CHCHD3: variants seen among roughly 807,000 people sequenced by gnomAD.
CHCHD3 encodes the protein coiled-coil-helix-coiled-coil-helix domain containing 3.
Under a neutral mutation model 38.2 loss-of-function variants are expected in CHCHD3, and 20 were observed. The ratio of observed to expected loss-of-function variants is 0.52; its 90% CI spans 0.37 to 0.76. The LOEUF (loss-of-function observed/expected upper bound fraction) is 0.76, where lower values mean the gene tolerates loss of function less well. Among genes scored for constraint, CHCHD3 ranks in the 30% least tolerant of loss-of-function variants. The pLI is 0.00. For missense variants in CHCHD3, 245 were observed against 279.2 expected (o/e 0.88, Z 0.87); for synonymous variants, 82 against 100.0 (o/e 0.82, Z 1.07).
intron 3 of CHCHD3, among the ~76,000 whole-genome samples, chr7:132,975,558 G>A (rs1380848050): frequency 6.6e-6 from 1 of 152,126 alleles, no homozygotes; most frequent in African/African-American, 2.4e-5. Flanking sequence ...TTCTTCTTAT[G>A]TAAAATTAAA....
chr7:132,847,211 A>T (rs1808097637), intron 5 of CHCHD3: 1 of 152,170 alleles, frequency 6.6e-6, no homozygotes. Flanking sequence ...ATATCATGCA[A>T]AGGAGGCTGG....
At chr7:132,872,612 T>C (rs1808793428) in intron 5 of CHCHD3, among the ~76,000 whole-genome samples, 1 of 152,264 alleles carries the variant, frequency 6.6e-6, no homozygotes, top group African/African-American at 2.4e-5. Context: ...TAATTAACTG[T>C]ATCTAATCAT....
chr7:132,954,512 G>GACA (rs896929646), intron 4 of CHCHD3, among the ~76,000 whole-genome samples: 37 of 152,242 alleles, frequency 2.4e-4, no homozygotes, highest in African/African-American at 8.2e-4. Flanking sequence ...ACCATCCAGA[G>GACA]ACAAATTTTG....
At chr7:133,004,054 G>C (rs990291117) in intron 3 of CHCHD3, among the ~76,000 whole-genome samples, 1 of 151,944 alleles carries the variant, frequency 6.6e-6, no homozygotes, top group African/African-American at 2.4e-5. Flanking sequence ...GCCGTGGAGC[G>C]ATTCTCCTGC....
chr7:132,785,082 C>T lies in CHCHD3; in HGVS notation c.*555G>A, dbSNP rs1806279405. On this transcript the variant is annotated 3_prime_UTR_variant, in exon 8 of 8. Transcript: ENST00000262570. The stretch of plus-strand genomic sequence containing the variant: ...ACCATAATAAGTTATAATGAAATAG[C>T]TCTTACATAATCAAAGGAGAAAAGA... 6.5e-6 allele frequency: 1 copy of T among 152,944 alleles called. No homozygotes were observed. Among genetic ancestry groups the T allele is most frequent in the African/African-American group, 2.4e-5 (1 of 41,444 alleles). The allele number at this position is 152,944 out of a possible 1,614,324, so 9.5% of individuals were successfully genotyped here.
At chr7:132,906,875 A>G (rs1341248015) in intron 4 of CHCHD3, among the ~76,000 whole-genome samples, 1 of 152,152 alleles carries the variant, frequency 6.6e-6, no homozygotes, top group Non-Finnish European at 1.5e-5. Context: ...CACTTTGGAG[A>G]ACTTTGCAAT....
intron 2 of CHCHD3, among the ~76,000 whole-genome samples, chr7:133,032,204 G>T (rs13438143): frequency 0.057 from 8,745 of 152,182 alleles, 777 homozygotes; most frequent in African/African-American, 0.19. Flanking sequence ...ATTTAAACCA[G>T]GCACACAGAG....
chr7:132,897,055 G>C (rs1190037675), intron 4 of CHCHD3, among the ~76,000 whole-genome samples: 1 of 152,238 alleles, frequency 6.6e-6, no homozygotes, highest in African/African-American at 2.4e-5. Context: ...CACAGCTGTT[G>C]TGAGTACAGA....
At chr7:133,012,064 C>T (rs1169363060) in intron 3 of CHCHD3, among the ~76,000 whole-genome samples, 3 of 152,108 alleles carry the variant, frequency 2.0e-5, no homozygotes, top group African/African-American at 7.2e-5. Context: ...TTCTGTTACC[C>T]GCAATTTTCT....
At chr7:132,897,427 T>C (rs1041314121) in intron 4 of CHCHD3, among the ~76,000 whole-genome samples, 1 of 152,218 alleles carries the variant, frequency 6.6e-6, no homozygotes, top group African/African-American at 2.4e-5. Context: ...CCACTCAACC[T>C]CTTTTCTTGC....
At position 132,951,184 on chromosome 7, in the gene CHCHD3, G is replaced by A. The variant is rs146253233; in HGVS notation, c.369+23985C>T. 4.6e-3 allele frequency among the ~76,000 whole-genome samples: 705 copies of A among 152,250 alleles called. 2 individuals are homozygous for A. Among genetic ancestry groups the A allele is most frequent in the Admixed American group, 8.0e-3 (122 of 15,286 alleles). On this transcript the variant is annotated intron_variant, in intron 4 of 7. Transcript: ENST00000262570. ...AGTAGTGAAATATTGTTTTAAGAAC[G>A]TGATCAGAATTAAACTGTTGAAAAG...
intron 6 of CHCHD3, among the ~76,000 whole-genome samples, chr7:132,817,883 C>A (rs1242440891): frequency 2.8e-5 from 4 of 140,550 alleles, no homozygotes; most frequent in African/African-American, 7.8e-5. Flanking sequence ...CAGAGTGAGA[C>A]CCTGTCTCAA....
intron 6 of CHCHD3, among the ~76,000 whole-genome samples, chr7:132,801,726 T>C (rs1445447149): frequency 4.6e-5 from 7 of 152,234 alleles, no homozygotes; most frequent in African/African-American, 1.7e-4. Context: ...AAGAAAAGGT[T>C]AGCTTTGGCT....
intron 4 of CHCHD3, among the ~76,000 whole-genome samples, chr7:132,972,178 T>A (rs1376414011): frequency 1.3e-5 from 2 of 152,210 alleles, no homozygotes; most frequent in African/African-American, 4.8e-5. Flanking sequence ...TTTCCAAGTG[T>A]TCTATAATAT....
rs35635002 is a variant in CHCHD3 at position 133,050,340 on chromosome 7, T to TAAAAAA, written c.169+19796_169+19801dup. ...CTGAGTAACAGAGGAGGCTGTGTCT[T>TAAAAAA]AAAAAAAAAAAAAAAAAAAAAAAAA... is the stretch of plus-strand genomic sequence containing the variant. On this transcript the variant is annotated intron_variant, in intron 2 of 7. Coordinates refer to ENST00000262570, the MANE Select transcript of CHCHD3 (RefSeq NM_017812.4). 2.2e-4 allele frequency among the ~76,000 whole-genome samples: 7 copies of TAAAAAA among 31,844 alleles called. 1 individual carries two copies. The highest frequency in any genetic ancestry group is 1.4e-3 in the South Asian group (1 of 702). The allele number at this position is 31,844 out of a possible 152,430, so 20.9% of individuals were successfully genotyped here.
At chr7:132,901,361 A>G (rs1380813891) in intron 4 of CHCHD3, among the ~76,000 whole-genome samples, 4 of 152,256 alleles carry the variant, frequency 2.6e-5, no homozygotes, top group Admixed American at 2.0e-4. Flanking sequence ...AGAAAGCAAC[A>G]GCGCACACAA....
At chr7:132,861,407 T>C (rs1808488649) in intron 5 of CHCHD3, among the ~76,000 whole-genome samples, 1 of 152,226 alleles carries the variant, frequency 6.6e-6, no homozygotes, top group Non-Finnish European at 1.5e-5. Flanking sequence ...CATGATCTAT[T>C]TTGGCTCATT....
intron 6 of CHCHD3, among the ~76,000 whole-genome samples, chr7:132,832,974 G>T (rs1180421851): frequency 6.6e-6 from 1 of 152,130 alleles, no homozygotes; most frequent in African/African-American, 2.4e-5. Context: ...TCTAGAATTT[G>T]TTTAAAAACA....
chr7:133,070,026 A>G, intron 2 of CHCHD3, 116 bp downstream of exon 2: 2 of 691,240 alleles, frequency 2.9e-6, no homozygotes, highest in Non-Finnish European at 4.8e-6. Context: ...ATTCCTTATT[A>G]AAAGCTAAAC....
Sources: gnomAD v4.1 joint callset for allele counts (sites outside exome capture counted in the v4.1 genomes callset) on GRCh38, gnomAD v4.1.1 for gene constraint, MANE v1.5 for transcripts, NCBI Gene and HGNC (gene_info 2026-07-23, HGNC 2026-07-21) for gene names.